SLC6A13: variants seen among roughly 807,000 people sequenced by gnomAD.
The protein encoded by SLC6A13 is sodium- and chloride-dependent GABA transporter 2.
In SLC6A13, 69 loss-of-function variants were observed where a neutral mutation model predicts 72.9. The observed-to-expected ratio is 0.95, with a 90% CI of 0.78 to 1.16. The LOEUF (loss-of-function observed/expected upper bound fraction) is 1.16. SLC6A13 is among the 50% of genes most tolerant of loss of function. The pLI, the probability that SLC6A13 is intolerant of heterozygous loss-of-function variation, is 0.00. For synonymous variants in SLC6A13, 303 were observed against 303.0 expected, an observed-to-expected ratio of 1.00 and a Z score of 0.00; for missense variants, 735 against 760.5, an observed-to-expected ratio of 0.97 and a Z score of 0.39.
At chr12:222,437 G>T in intron 13 of SLC6A13, 95 bp downstream of exon 13, 1 of 645,162 alleles carries the variant, frequency 1.5e-6, no homozygotes, top group Non-Finnish European at 2.6e-6. Context: ...TCAGTTCCTA[G>T]GGAGAAGTCC....
In SLC6A13 at chr12:242,742, G is replaced by A; in HGVS notation, c.350C>T (p.Ala117Val). The change falls in exon 4 of 15, where the codon GCC becomes GTC. Residue 117 changes from alanine (A) to valine (V), a missense_variant. Physicochemically the swap from Ala to Val is moderately conservative, Grantham distance 64. Transcript: ENST00000343164. ...GAGGAGGATGACGATCATCTGGGAG[G>A]CATAGCCAATGCCTGCGGGGAAACT... ...ICPIFEGIGY[A>V]SQMIVILLNV... The A allele has an allele frequency of 1.3e-6, 2 of 1,588,612 alleles. No individual in the cohort carries two copies. Among genetic ancestry groups the A allele is most frequent in the Admixed American group, 1.8e-5 (1 of 55,714 alleles).
chr12:261,894 C>T (rs944291571), intron 1 of SLC6A13, among the ~76,000 whole-genome samples: 4 of 151,502 alleles, frequency 2.6e-5, no homozygotes, highest in Non-Finnish European at 5.9e-5. Flanking sequence ...CCACTGCACT[C>T]CAGTCTGGGC....
chr12:238,220 A>T (rs1050424120), intron 4 of SLC6A13: 1 of 1,521,956 alleles, frequency 6.6e-7, no homozygotes, highest in African/African-American at 1.4e-5. Flanking sequence ...ATGTGGGTAC[A>T]TAGATGCTTG....
chr12:257,920 C>T (rs1219629581), intron 2 of SLC6A13, among the ~76,000 whole-genome samples: 1 of 152,170 alleles, frequency 6.6e-6, no homozygotes, highest in East Asian at 1.9e-4. Flanking sequence ...AAGCTGCTCA[C>T]CTCCTAATCT....
At chr12:226,134 A>T (rs1312516942) in intron 9 of SLC6A13, among the ~76,000 whole-genome samples, 1 of 152,240 alleles carries the variant, frequency 6.6e-6, no homozygotes, top group Non-Finnish European at 1.5e-5. Context: ...GATAAACATG[A>T]AATAGATAAC....
At chr12:255,512 A>T (rs1190410032) in intron 2 of SLC6A13, among the ~76,000 whole-genome samples, 1 of 152,248 alleles carries the variant, frequency 6.6e-6, no homozygotes, top group African/African-American at 2.4e-5. Context: ...CCTGGCCAAC[A>T]CGGCAAAACC....
chr12:231,115 G>A (rs1302386660), intron 7 of SLC6A13, among the ~76,000 whole-genome samples: 1 of 152,172 alleles, frequency 6.6e-6, no homozygotes, highest in East Asian at 1.9e-4. Context: ...AACAGGCACA[G>A]GGCCAGGACC....
chr12:242,907 G>A, intron 3 of SLC6A13, 153 bp from the exon 4 acceptor site: 1 of 520,948 alleles, frequency 1.9e-6, no homozygotes, highest in Non-Finnish European at 3.3e-6. Flanking sequence ...GTAACTCCCT[G>A]TGGATCTATA....
At chr12:227,732 G>T in intron 7 of SLC6A13, 64 bp from the exon 8 acceptor site, 1 of 1,397,230 alleles carries the variant, frequency 7.2e-7, no homozygotes, top group South Asian at 1.3e-5. Context: ...AGCCATGGGC[G>T]GACACAGGCA....
intron 2 of SLC6A13, among the ~76,000 whole-genome samples, chr12:247,273 T>C (rs1591855407): frequency 6.9e-6 from 1 of 144,290 alleles, no homozygotes; most frequent in Non-Finnish European, 1.5e-5. Flanking sequence ...TAGTCCAAGG[T>C]GCATCATAAT....
intron 14 of SLC6A13, 94 bp downstream of exon 14, chr12:221,282 C>T (rs1420997129): frequency 4.3e-6 from 6 of 1,392,252 alleles, no homozygotes; most frequent in Non-Finnish European, 5.8e-6. Context: ...GGCACCTCCA[C>T]ACAACGGTGT....
chr12:225,355 A>G (rs900949736), intron 9 of SLC6A13, among the ~76,000 whole-genome samples: 1 of 152,224 alleles, frequency 6.6e-6, no homozygotes, highest in East Asian at 1.9e-4. Context: ...CAACACTTAG[A>G]AAGTGAGACA....
At chr12:229,905 G>A (rs1941636687) in intron 7 of SLC6A13, among the ~76,000 whole-genome samples, 1 of 152,138 alleles carries the variant, frequency 6.6e-6, no homozygotes, top group Non-Finnish European at 1.5e-5. Context: ...AGGTCGGAGT[G>A]GGGTCATATG....
intron 2 of SLC6A13, among the ~76,000 whole-genome samples, chr12:249,893 G>C (rs945254716): frequency 6.6e-6 from 1 of 151,984 alleles, no homozygotes; most frequent in African/African-American, 2.4e-5. Context: ...ATGTTAATAG[G>C]ACAATATATT....
chr12:237,868 C>T, intron 5 of SLC6A13, 58 bp downstream of exon 5: 1 of 1,297,116 alleles, frequency 7.7e-7, no homozygotes, highest in Non-Finnish European at 1.1e-6. Flanking sequence ...GTGTACTCCT[C>T]CCCATACCCT....
intron 4 of SLC6A13, 116 bp downstream of exon 4, chr12:242,498 G>A: frequency 3.7e-6 from 3 of 809,824 alleles, no homozygotes; most frequent in Non-Finnish European, 3.7e-6. Context: ...GCTCTCCATG[G>A]TCGACTTGGG....
intron 2 of SLC6A13, among the ~76,000 whole-genome samples, chr12:252,389 G>T (rs1320303915): frequency 6.6e-6 from 1 of 152,204 alleles, no homozygotes; most frequent in African/African-American, 2.4e-5. Flanking sequence ...AACTGTTTTG[G>T]AAGTGATGGA....
At chr12:227,284 C>A (rs2137260397) in intron 8 of SLC6A13, among the ~76,000 whole-genome samples, 1 of 152,348 alleles carries the variant, frequency 6.6e-6, no homozygotes, top group South Asian at 2.1e-4. Flanking sequence ...TTACCCAGCA[C>A]TCCTGAGCCC....
At chr12:255,252 G>A (rs926518688) in intron 2 of SLC6A13, among the ~76,000 whole-genome samples, 1 of 152,174 alleles carries the variant, frequency 6.6e-6, no homozygotes, top group African/African-American at 2.4e-5. Flanking sequence ...GAAGCTCCCA[G>A]GACCTGGGTG....
Sources: allele counts gnomAD v4.1 joint callset (sites outside exome capture counted in the v4.1 genomes callset), GRCh38; gene constraint gnomAD v4.1.1; transcripts MANE v1.5; gene names NCBI Gene and HGNC (gene_info 2026-07-23, HGNC 2026-07-21).